Variants in MAGI2 observed in about 807,000 individuals in gnomAD.
The protein encoded by MAGI2 is membrane-associated guanylate kinase, WW and PDZ domain-containing protein 2.
Under a neutral mutation model 133.3 loss-of-function variants are expected in MAGI2, and 35 were observed. The ratio of observed to expected loss-of-function variants is 0.26; its 90% CI spans 0.20 to 0.35. The LOEUF (loss-of-function observed/expected upper bound fraction) is 0.35, where lower values mean the gene tolerates loss of function less well. MAGI2 is among the 10% of genes least tolerant of loss of function. The pLI is 1.00. For missense variants in MAGI2, 1,636 were observed against 1,863.4 expected (o/e 0.88, Z 2.25); for synonymous variants, 729 against 710.6 (o/e 1.03, Z -0.41).
intron 1 of MAGI2, among the ~76,000 whole-genome samples, chr7:79,448,946 T>C (rs1849047769): frequency 6.6e-6 from 1 of 152,142 alleles, no homozygotes; most frequent in Non-Finnish European, 1.5e-5. Flanking sequence ...GTATCACTTA[T>C]AAATTATGCC....
intron 1 of MAGI2, among the ~76,000 whole-genome samples, chr7:79,198,437 C>G (rs1828285019): frequency 6.6e-6 from 1 of 151,882 alleles, no homozygotes. Flanking sequence ...CCTTCAATAG[C>G]ATTGTTGTTT....
intron 5 of MAGI2, among the ~76,000 whole-genome samples, chr7:78,492,149 A>G (rs1166851064): frequency 6.6e-6 from 1 of 152,062 alleles, no homozygotes; most frequent in Non-Finnish European, 1.5e-5. Context: ...TTCCTATTGC[A>G]CACCACCATG....
chr7:79,067,071 G>A (rs71555261), intron 1 of MAGI2, among the ~76,000 whole-genome samples: 1 of 152,100 alleles, frequency 6.6e-6, no homozygotes, highest in African/African-American at 2.4e-5. Context: ...TTTTGGATTA[G>A]GATTGTCTTG....
chr7:78,461,640 A>G (rs1790030730), intron 6 of MAGI2, among the ~76,000 whole-genome samples: 1 of 152,050 alleles, frequency 6.6e-6, no homozygotes, highest in Non-Finnish European at 1.5e-5. Context: ...GGCCAGACGC[A>G]GTGGCTCATG....
chr7:78,894,103 T>A (rs1797005092), intron 2 of MAGI2, among the ~76,000 whole-genome samples: 1 of 152,210 alleles, frequency 6.6e-6, no homozygotes, highest in Non-Finnish European at 1.5e-5. Flanking sequence ...AGATGATTTT[T>A]AAAAACTGTT....
intron 6 of MAGI2, among the ~76,000 whole-genome samples, chr7:78,475,335 G>C (rs1031003315): frequency 6.6e-6 from 1 of 151,964 alleles, no homozygotes; most frequent in East Asian, 1.9e-4. Flanking sequence ...GGAAAGCAAG[G>C]TAAAAGAATA....
At chr7:78,143,673 C>T (rs1047957242) in intron 16 of MAGI2, among the ~76,000 whole-genome samples, 1 of 152,080 alleles carries the variant, frequency 6.6e-6, no homozygotes, top group Non-Finnish European at 1.5e-5. Context: ...ATTATTAAGA[C>T]AGGTACAGTT....
chr7:79,330,639 A>G (rs955035690), intron 1 of MAGI2, among the ~76,000 whole-genome samples: 3 of 151,968 alleles, frequency 2.0e-5, no homozygotes, highest in African/African-American at 7.3e-5. Flanking sequence ...TCAAGGTTTT[A>G]CATTACACTC....
At chr7:78,398,670 AG>A (rs1268211427) in intron 6 of MAGI2, among the ~76,000 whole-genome samples, 2 of 152,074 alleles carry the variant, frequency 1.3e-5, no homozygotes, top group Non-Finnish European at 2.9e-5. Flanking sequence ...GTAGTAAGAA[AG>A]GTAGGGCCCC....
chr7:78,764,025 T>A (rs1044107219), intron 2 of MAGI2, among the ~76,000 whole-genome samples: 2 of 152,204 alleles, frequency 1.3e-5, no homozygotes, highest in Non-Finnish European at 2.9e-5. Flanking sequence ...TACTTTAAAA[T>A]GATTCTTACA....
At chr7:78,303,206 C>T (rs1263308744) in intron 9 of MAGI2, among the ~76,000 whole-genome samples, 2 of 151,906 alleles carry the variant, frequency 1.3e-5, no homozygotes, top group Admixed American at 6.6e-5. Flanking sequence ...GGTGAAACCC[C>T]GTCTCTACTA....
At chr7:78,075,686 T>C (rs1473054555) in intron 21 of MAGI2, among the ~76,000 whole-genome samples, 1 of 152,098 alleles carries the variant, frequency 6.6e-6, no homozygotes, top group East Asian at 1.9e-4. Flanking sequence ...ATGTAATAAA[T>C]CTTAGCTGTG....
chr7:79,185,903 G>T (rs1210492862), intron 1 of MAGI2, among the ~76,000 whole-genome samples: 1 of 151,678 alleles, frequency 6.6e-6, no homozygotes. Context: ...GCAACAACTT[G>T]TTGCTGACAC....
chr7:78,897,522 T>C (rs565501438), intron 2 of MAGI2, among the ~76,000 whole-genome samples: 1 of 152,258 alleles, frequency 6.6e-6, no homozygotes, highest in Non-Finnish European at 1.5e-5. Context: ...TTAAATCATA[T>C]GAACTTATAA....
intron 1 of MAGI2, among the ~76,000 whole-genome samples, chr7:79,138,867 G>A (rs951121066): frequency 6.6e-5 from 10 of 151,506 alleles, no homozygotes; most frequent in African/African-American, 2.4e-4. Flanking sequence ...TTAGCCGGGT[G>A]TGGTGGTTGG....
At chr7:78,383,731 G>T (rs1295309020) in intron 6 of MAGI2, among the ~76,000 whole-genome samples, 1 of 151,854 alleles carries the variant, frequency 6.6e-6, no homozygotes, top group Non-Finnish European at 1.5e-5. Context: ...TTATGGTTTT[G>T]GGTCTTATGT....
chr7:78,210,872 A>G (rs1008443169), intron 10 of MAGI2, among the ~76,000 whole-genome samples: 1 of 152,214 alleles, frequency 6.6e-6, no homozygotes, highest in Non-Finnish European at 1.5e-5. Context: ...AAGCAGTTCA[A>G]TTGCCAAGAC....
At chr7:78,295,834 G>A (rs1428625297) in intron 9 of MAGI2, among the ~76,000 whole-genome samples, 1 of 151,998 alleles carries the variant, frequency 6.6e-6, no homozygotes, top group Admixed American at 6.6e-5. Context: ...CAAACTGAAC[G>A]TGCATAAAAC....
intron 1 of MAGI2, chr7:79,125,709 A>G: frequency 3.8e-6 from 2 of 527,536 alleles, no homozygotes; most frequent in South Asian, 2.8e-5. Flanking sequence ...TGGAGGCAGA[A>G]GCTCTGGCCC....
Sources: gnomAD v4.1 joint callset for allele counts (sites outside exome capture counted in the v4.1 genomes callset) on GRCh38, gnomAD v4.1.1 for gene constraint, MANE v1.5 for transcripts, NCBI Gene and HGNC (gene_info 2026-07-23, HGNC 2026-07-21) for gene names.